KIF14: variants seen among roughly 807,000 people sequenced by gnomAD.
KIF14 encodes kinesin-like protein KIF14.
A neutral mutation model predicts 176.2 loss-of-function variants in KIF14; 98 were observed. The observed-to-expected ratio is 0.56, with a 90% CI of 0.47 to 0.66. The LOEUF is 0.66. KIF14 is among the 30% of genes least tolerant of loss of function. The pLI is 0.00. For synonymous variants in KIF14, 566 were observed against 632.2 expected, an observed-to-expected ratio of 0.90 and a Z score of 1.57; for missense variants, 1,751 against 1,920.4, an observed-to-expected ratio of 0.91 and a Z score of 1.65.
chr1:200,560,930 G>C, intron 25 of KIF14, 50 bp from the exon 26 acceptor site: 1 of 1,549,124 alleles, frequency 6.5e-7, no homozygotes, highest in Non-Finnish European at 8.9e-7. Context: ...ATTATAACAG[G>C]TGGTAAAGAA....
At chr1:200,581,116 A>AAAAG in intron 20 of KIF14, 85 bp downstream of exon 20, 3 of 241,312 alleles carry the variant, frequency 1.2e-5, no homozygotes, top group Non-Finnish European at 1.8e-5. Flanking sequence ...TCTGTCTCAG[A>AAAAG]AAAAAAAAAA....
chr1:200,586,786 C>CATATATATATATATAT (rs1241334191), intron 18 of KIF14, among the ~76,000 whole-genome samples: 1 of 85,262 alleles, frequency 1.2e-5, no homozygotes. Context: ...TATATATATA[C>CATATATATATATATAT]ATACATATAT....
chr1:200,598,312 GT>G lies in KIF14; in HGVS notation c.2473del (p.Thr825LeufsTer20), dbSNP rs1659463876. ...MLLYMIKEGT[T>X]TVGKYKPNSS... ...GTTTGGTTTATACTTTCCAACTGTA[GT>G]TGTTCCTTCTTTTATCATATATAGC... On this transcript the variant is annotated frameshift_variant, in exon 14 of 30. Coordinates refer to ENST00000367350, the MANE Select transcript of KIF14 (RefSeq NM_014875.3). LOFTEE classifies it high-confidence loss of function. 1.2e-6 allele frequency: 2 copies of G among 1,613,208 alleles called. No individual in the cohort carries two copies. The highest frequency in any genetic ancestry group is 2.7e-5 in the African/African-American group (2 of 74,842).
Position 200,580,143 on chromosome 1 carries a change from T to C in KIF14, c.3465+111A>G, listed in dbSNP as rs1457987663. ...CCTTTTATTTTCCAAATTTTCTATA[T>C]GGAGAATATGTCACTTTTATATATA... On this transcript the variant is annotated intron_variant, in intron 21 of 29. Coordinates refer to ENST00000367350, the MANE Select transcript of KIF14 (RefSeq NM_014875.3). The C allele has an allele frequency of 6.0e-6, 3 of 501,112 alleles. No individual in the cohort carries two copies. In the African/African-American group the frequency reaches 6.0e-5, roughly 10 times the overall value. 31.0% of individuals were successfully genotyped at this position (501,112 alleles called of 1,614,324 possible). A position where few individuals can be genotyped will look rare whatever the true frequency, so the allele number is the denominator to read the frequency against.
intron 11 of KIF14, among the ~76,000 whole-genome samples, chr1:200,601,434 T>C (rs998987403): frequency 1.3e-5 from 2 of 152,202 alleles, no homozygotes; most frequent in Admixed American, 6.5e-5. Context: ...AATTGATGAT[T>C]ACCTAGAGAT....
At chr1:200,608,086 T>G (rs991874062) in intron 5 of KIF14, among the ~76,000 whole-genome samples, 6 of 152,168 alleles carry the variant, frequency 3.9e-5, no homozygotes, top group Non-Finnish European at 5.9e-5. Flanking sequence ...TAAAAAAGAT[T>G]ATATAATTGT....
intron 25 of KIF14, among the ~76,000 whole-genome samples, chr1:200,564,037 G>A (rs1370312019): frequency 1.3e-5 from 2 of 151,928 alleles, no homozygotes; most frequent in African/African-American, 4.8e-5. Context: ...TGAGGGGGGC[G>A]GATCACCTGA....
chr1:200,589,437 C>G, intron 17 of KIF14, 68 bp from the exon 18 acceptor site: 1 of 1,328,524 alleles, frequency 7.5e-7, no homozygotes, highest in Non-Finnish European at 1.0e-6. Flanking sequence ...AAGTCCCTTT[C>G]TTTAACCAAT....
Position 200,618,350 on chromosome 1 carries a change from G to A in KIF14, c.374C>T (p.Ala125Val). The change falls in exon 2 of 30, where the codon GCT (alanine) becomes GTT (valine). Residue 125 changes from alanine (A) to valine (V), a missense_variant. Physicochemically the swap from Ala to Val is moderately conservative, Grantham distance 64. Coordinates refer to ENST00000367350, the MANE Select transcript of KIF14 (RefSeq NM_014875.3). ...AETRLTLQRR[A>V]KTDSAEKWKT... Reference sequence around the variant, plus strand: ...CCACTTTTCTGCAGAATCTGTTTTAGCACGACGTTGTAATGTAAGACGTGT... The same window carrying A: ...CCACTTTTCTGCAGAATCTGTTTTAACACGACGTTGTAATGTAAGACGTGT... 2 of 1,614,006 alleles carry A rather than the reference G, an allele frequency of 1.2e-6. No individual in the cohort carries two copies. The highest frequency in any genetic ancestry group is 2.2e-5 in the East Asian group (1 of 44,870).
At chr1:200,602,189 AC>A in intron 10 of KIF14, 121 bp from the exon 11 acceptor site, 1 of 691,042 alleles carries the variant, frequency 1.4e-6, no homozygotes, top group Non-Finnish European at 2.3e-6. Flanking sequence ...CTACTCAAAT[AC>A]CATTTAAAAC....
Position 200,593,759 on chromosome 1 carries a change from T to C in KIF14, c.2560A>G (p.Asn854Asp). The change falls in exon 15 of 30, where the codon AAT (asparagine) becomes GAT (aspartate). Residue 854 changes from asparagine (N) to aspartate (D), a missense_variant. By Grantham distance (23) the Asn-to-Asp change is conservative. Transcript: ENST00000367350. ...ATAATACTCACTGTCCCACCAAAAT[T>C]TTTGATAGTACTGTTAAAATAAGAA... ...LIADDHCTIK[N>D]FGGTVSIIPV... The C allele has an allele frequency of 6.2e-7, 1 of 1,600,182 alleles. No individual in the cohort carries two copies. The highest frequency in any genetic ancestry group is 8.6e-7 in the Non-Finnish European group (1 of 1,167,978).
At chr1:200,616,815 A>G (rs571978681) in intron 2 of KIF14, among the ~76,000 whole-genome samples, 23 of 152,342 alleles carry the variant, frequency 1.5e-4, no homozygotes, top group African/African-American at 4.8e-4. Flanking sequence ...CCCCACCCAC[A>G]ACCACTTTTA....
At chr1:200,599,669 T>C (rs1256114406) in intron 13 of KIF14, among the ~76,000 whole-genome samples, 1 of 152,234 alleles carries the variant, frequency 6.6e-6, no homozygotes, top group Non-Finnish European at 1.5e-5. Context: ...TCACATTGCA[T>C]TTCAGTCTTC....
chr1:200,583,167 T>C (rs970216998), intron 19 of KIF14, among the ~76,000 whole-genome samples: 2 of 152,004 alleles, frequency 1.3e-5, no homozygotes, highest in African/African-American at 2.4e-5. Context: ...AAAAGGCACA[T>C]CTACCAAACG....
intron 4 of KIF14, among the ~76,000 whole-genome samples, chr1:200,610,365 C>T (rs1023119172): frequency 2.0e-5 from 3 of 151,874 alleles, no homozygotes; most frequent in Non-Finnish European, 4.4e-5. Flanking sequence ...AAAAAATTAG[C>T]CGGGCGTGGT....
At position 200,602,065 on chromosome 1, in the gene KIF14, C is replaced by A. The variant is rs1361337266; in HGVS notation, c.1983G>T (p.Leu661=). ...IPYRESVLTW[L]LKESLGGNSK... ...AATTTCCACCCAGACTTTCTTTTAA[C>A]AGCCTACAAGAAAAAAAGTCATAAG... is the stretch of plus-strand genomic sequence containing the variant. Residue 661 remains leucine, a synonymous_variant, in exon 11 of 30, where the codon CTG becomes CTT. Transcript: ENST00000367350. The A allele has an allele frequency of 6.2e-7, 1 of 1,610,104 alleles. No individual in the cohort carries two copies. Among genetic ancestry groups the A allele is most frequent in the Non-Finnish European group, 8.5e-7 (1 of 1,178,936 alleles).
intron 2 of KIF14, 82 bp from the exon 3 acceptor site, chr1:200,615,691 A>C: frequency 8.9e-7 from 1 of 1,129,122 alleles, no homozygotes; most frequent in Non-Finnish European, 1.3e-6. Context: ...AAATACCTCA[A>C]AACTATTTAA....
chr1:200,591,191 C>T (rs921925785), intron 16 of KIF14, among the ~76,000 whole-genome samples: 2 of 152,124 alleles, frequency 1.3e-5, no homozygotes, highest in African/African-American at 4.8e-5. Flanking sequence ...CAGGTTGAGG[C>T]TTCTTAAAAG....
chr1:200,570,563 G>T (rs151202733), intron 22 of KIF14, among the ~76,000 whole-genome samples: 6 of 152,262 alleles, frequency 3.9e-5, no homozygotes, highest in Non-Finnish European at 7.3e-5. Context: ...AACCAAACGA[G>T]GTTCAGAAGG....
Sources: allele counts gnomAD v4.1 joint callset (sites outside exome capture counted in the v4.1 genomes callset), GRCh38; gene constraint gnomAD v4.1.1; transcripts MANE v1.5; gene names NCBI Gene and HGNC (gene_info 2026-07-23, HGNC 2026-07-21).